The following MMP9 variants were observed in gnomAD, a reference collection of about 807,000 sequenced individuals.
The protein encoded by MMP9 is matrix metallopeptidase 9.
MMP9 carries 73 observed loss-of-function variants against 76.4 expected under a neutral mutation model. That is an observed-to-expected ratio of 0.96 (90% CI 0.79 to 1.16). The LOEUF is 1.16. MMP9 is among the 50% of genes most tolerant of loss of function. The pLI is 0.00. For missense variants in MMP9, 943 were observed against 973.0 expected, an observed-to-expected ratio of 0.97 and a Z score of 0.41; for synonymous variants, 412 against 408.4, an observed-to-expected ratio of 1.01 and a Z score of -0.11.
At chr20:46,015,588 T>A (rs1839357132) in intron 12 of MMP9, among the ~76,000 whole-genome samples, 1 of 151,842 alleles carries the variant, frequency 6.6e-6, no homozygotes, top group Admixed American at 6.6e-5. Flanking sequence ...GTAGCTGGGA[T>A]TACAGGTGCC....
At position 46,010,670 on chromosome 20, in the gene MMP9, G is replaced by A. The variant is rs762450416; in HGVS notation, c.520+39G>A. ...GAGGGAAAATCCAAGAGACCTGGGC[G>A]GGGTCAGGGAAGGGAGGACCACGGA... On this transcript the variant is annotated intron_variant, in intron 3 of 12. Transcript: ENST00000372330. The A allele has an allele frequency of 1.3e-5, 21 of 1,595,770 alleles. No individual in the cohort carries two copies. The East Asian group carries it at 2.3e-4, about 17-fold the overall frequency.
chr20:46,011,810 G>T, intron 6 of MMP9, 63 bp downstream of exon 6: 1 of 1,546,930 alleles, frequency 6.5e-7, no homozygotes, highest in South Asian at 1.2e-5. Context: ...CCCCCAAAAC[G>T]CGGCTCTTCC....
At position 46,014,145 on chromosome 20, in the gene MMP9, C is replaced by T. The variant is rs777357774; in HGVS notation, c.1772C>T (p.Thr591Ile). The T allele has an allele frequency of 1.3e-6, 2 of 1,536,418 alleles. No homozygotes were observed. The highest frequency in any genetic ancestry group is 2.4e-5 in the South Asian group (2 of 83,982). Reference sequence around the variant, plus strand: ...GCAGGGCGCCAGGTGTGGGTGTACACAGGCGCGTCGGTGCTGGGCCCGAGG... The same window carrying T: ...GCAGGGCGCCAGGTGTGGGTGTACATAGGCGCGTCGGTGCTGGGCCCGAGG... ...FFSGRQVWVYTGASVLGPRRL... is the reference protein window; with the variant it reads ...FFSGRQVWVYIGASVLGPRRL... The change falls in exon 11 of 13, where the codon ACA becomes ATA. Residue 591 changes from threonine to isoleucine, a missense_variant. Transcript: ENST00000372330.
At chr20:46,016,076 C>T (rs1450059349) in intron 12 of MMP9, among the ~76,000 whole-genome samples, 174 bp from the exon 13 acceptor site, 1 of 152,218 alleles carries the variant, frequency 6.6e-6, no homozygotes, top group African/African-American at 2.4e-5. Context: ...CTGTGCCCTC[C>T]AGCATCTCAC....
At position 46,013,532 on chromosome 20, in the gene MMP9, T is replaced by C. The variant is rs1568848734; in HGVS notation, c.1608T>C (p.Asp536=). 2 of 1,613,902 alleles carry C rather than the reference T, an allele frequency of 1.2e-6. No homozygotes were observed. Among genetic ancestry groups the C allele is most frequent in the Non-Finnish European group, 1.7e-6 (2 of 1,179,880 alleles). Residue 536 remains aspartate (D), a splice_region_variant and synonymous_variant, in exon 9 of 13, where the codon GAT becomes GAC. Coordinates refer to ENST00000372330, the MANE Select transcript of MMP9 (RefSeq NM_004994.3). The surrounding 1 kb of genome is among the most constrained non-coding windows in gnomAD (Gnocchi z 4.5). Reference sequence around the variant, plus strand: ...GGAACCAGCTGTATTTGTTCAAGGATGGGTGAGGAGGCGGGGTTGTGTGGA... The same window carrying C: ...GGAACCAGCTGTATTTGTTCAAGGACGGGTGAGGAGGCGGGGTTGTGTGGA... ...EIGNQLYLFK[D]GKYWRFSEGR...
At chr20:46,012,660 GATC>G in intron 8 of MMP9, 78 bp downstream of exon 8, 1 of 1,267,946 alleles carries the variant, frequency 7.9e-7, no homozygotes, top group Non-Finnish European at 1.1e-6. Flanking sequence ...GGGGGTTGGG[GATC>G]GGGGGAGGAA....
In MMP9 at chr20:46,013,526, C is replaced by A; in HGVS notation, c.1602C>A (p.Phe534Leu). The A allele has an allele frequency of 6.2e-7, 1 of 1,613,932 alleles. No individual in the cohort carries two copies. Among genetic ancestry groups the A allele is most frequent in the Non-Finnish European group, 8.5e-7 (1 of 1,179,902 alleles). ...IAEIGNQLYL[F>L]KDGKYWRFSE... ...AGATTGGGAACCAGCTGTATTTGTT[C>A]AAGGATGGGTGAGGAGGCGGGGTTG... The change falls in exon 9 of 13, where the codon TTC (phenylalanine) becomes TTA (leucine). Residue 534 changes from phenylalanine (F) to leucine (L), a missense_variant. Phe to Leu is a conservative substitution (Grantham distance 22). Transcript: ENST00000372330. This position sits in a 1 kb window ranked among gnomAD's most constrained non-coding sequence, Gnocchi z 4.5.
Position 46,013,315 on chromosome 20 carries a change from C to T in MMP9, c.1391C>T (p.Pro464Leu). The change falls in exon 9 of 13, where the codon CCC becomes CTC. Residue 464 changes from proline to leucine, a missense_variant. Coordinates refer to ENST00000372330, the MANE Select transcript of MMP9 (RefSeq NM_004994.3). The surrounding 1 kb of genome is among the most constrained non-coding windows in gnomAD (Gnocchi z 4.5). The part of the protein sequence containing the change: ...PTTTTPQPTA[P>L]PTVCPTGPPT... The stretch of plus-strand genomic sequence containing the variant: ...ACCACCACACCGCAGCCCACGGCTC[C>T]CCCGACGGTCTGCCCCACCGGACCC... The T allele has an allele frequency of 3.1e-6, 5 of 1,613,970 alleles. No homozygotes were observed. Among genetic ancestry groups the T allele is most frequent in the Non-Finnish European group, 4.2e-6 (5 of 1,179,976 alleles).
chr20:46,010,130 GGC>G, intron 2 of MMP9, 32 bp downstream of exon 2: 2 of 1,495,006 alleles, frequency 1.3e-6, no homozygotes, highest in Non-Finnish European at 9.1e-7. Flanking sequence ...AGCGGGGTGG[GGC>G]GGGGAGGCCA....
Position 46,010,321 on chromosome 20 carries a change from C to CAAAA in MMP9, c.372-145_372-142dup, listed in dbSNP as rs58031394. Among the ~76,000 whole-genome samples, 18 of 62,486 alleles carry CAAAA rather than the reference C, an allele frequency of 2.9e-4. 2 individuals are homozygous for CAAAA. Among genetic ancestry groups the CAAAA allele is most frequent in the African/African-American group, 1.3e-3 (15 of 11,492 alleles). The allele number at this position is 62,486 out of a possible 152,430, so 41.0% of individuals were successfully genotyped here. A position where few individuals can be genotyped will look rare whatever the true frequency, so the allele number is the denominator to read the frequency against. ...GGGCCATTGTGAGGGTCTAAGTAGA[C>CAAAA]AAAAAAAAAAAAAAAAAAAACAGTC... On this transcript the variant is annotated intron_variant, in intron 2 of 12. Transcript: ENST00000372330.
chr20:46,010,826 TCAG>T (rs2084273813), intron 3 of MMP9, 93 bp from the exon 4 acceptor site: 1 of 1,604,602 alleles, frequency 6.2e-7, no homozygotes, highest in South Asian at 1.1e-5. Flanking sequence ...AGGCGGGATT[TCAG>T]CCCGCACTTA....
intron 2 of MMP9, 126 bp from the exon 3 acceptor site, chr20:46,010,357 T>C (rs577044393): frequency 2.4e-6 from 2 of 840,870 alleles, no homozygotes; most frequent in South Asian, 3.0e-5. Flanking sequence ...TGGAAGCAAT[T>C]TATAGATGAG....
In MMP9 at chr20:46,011,350, C is replaced by T. The variant is rs770759136; in HGVS notation, c.823+34C>T. On this transcript the variant is annotated intron_variant, in intron 5 of 12. Coordinates refer to ENST00000372330, the MANE Select transcript of MMP9 (RefSeq NM_004994.3). ...GGGGGCTCGCCGAGGGCTGGGGGCG[C>T]CCACCACCCTTGATGGTCCTGGGTT... 3.9e-5 allele frequency: 62 copies of T among 1,594,554 alleles called. 1 individual carries two copies. In the South Asian group the frequency reaches 4.3e-4, roughly 11 times the overall value.
intron 6 of MMP9, 33 bp downstream of exon 6, chr20:46,011,780 G>A (rs1336201496): frequency 6.3e-7 from 1 of 1,590,882 alleles, no homozygotes; most frequent in Non-Finnish European, 8.5e-7. Context: ...GTTCAGCCCC[G>A]CCCTCTCATC....
intron 8 of MMP9, 115 bp downstream of exon 8, chr20:46,012,697 C>G: frequency 6.9e-7 from 1 of 1,451,574 alleles, no homozygotes; most frequent in Admixed American, 1.9e-5. Flanking sequence ...AGAGGTGGGA[C>G]CTCAACGTCT....
chr20:46,010,321 C>CAAAAAAAAAAAAAAAAAA lies in MMP9; in HGVS notation c.372-159_372-142dup, dbSNP rs58031394. On this transcript the variant is annotated intron_variant, in intron 2 of 12. Coordinates refer to ENST00000372330, the MANE Select transcript of MMP9 (RefSeq NM_004994.3). The stretch of plus-strand genomic sequence containing the variant: ...GGGCCATTGTGAGGGTCTAAGTAGA[C>CAAAAAAAAAAAAAAAAAA]AAAAAAAAAAAAAAAAAAAACAGTC... Among the ~76,000 whole-genome samples, 45 of 62,452 alleles carry CAAAAAAAAAAAAAAAAAA rather than the reference C, an allele frequency of 7.2e-4. 4 individuals are homozygous for CAAAAAAAAAAAAAAAAAA. The highest frequency in any genetic ancestry group is 1.0e-3 in the African/African-American group (12 of 11,498). The allele number at this position is 62,452 out of a possible 152,430, so 41.0% of individuals were successfully genotyped here.
At position 46,010,935 on chromosome 20, in the gene MMP9, G is replaced by T. The variant is rs1004890991; in HGVS notation, c.534G>T (p.Gly178=). Residue 178 remains glycine (G), a synonymous_variant, in exon 4 of 13, where the codon GGG becomes GGT. Coordinates refer to ENST00000372330, the MANE Select transcript of MMP9 (RefSeq NM_004994.3). ...IQFGVAEHGD[G]YPFDGKDGLL... Reference sequence around the variant, plus strand: ...CTGTTTCTTCAGAGCACGGAGACGGGTATCCCTTCGACGGGAAGGACGGGC... The same window carrying T: ...CTGTTTCTTCAGAGCACGGAGACGGTTATCCCTTCGACGGGAAGGACGGGC... 5.6e-6 allele frequency: 9 copies of T among 1,614,146 alleles called. No homozygotes were observed. The highest frequency in any genetic ancestry group is 7.6e-6 in the Non-Finnish European group (9 of 1,180,056).
Position 46,014,421 on chromosome 20 carries a change from A to G in MMP9, c.1952A>G (p.Asp651Gly). Residue 651 changes from aspartate to glycine, a missense_variant, in exon 12 of 13, where the codon GAC becomes GGC. By Grantham distance (94) the Asp-to-Gly change is moderately conservative. Coordinates refer to ENST00000372330, the MANE Select transcript of MMP9 (RefSeq NM_004994.3). ...MVDPRSASEV[D>G]RMFPGVPLDT... Reference sequence around the variant, plus strand: ...GATCCCCGGAGCGCCAGCGAGGTGGACCGGATGTTCCCCGGGGTGCCTTTG... The same window carrying G: ...GATCCCCGGAGCGCCAGCGAGGTGGGCCGGATGTTCCCCGGGGTGCCTTTG... 1.9e-6 allele frequency: 3 copies of G among 1,550,304 alleles called. No homozygotes were observed. In the South Asian group the frequency reaches 3.6e-5, roughly 18 times the overall value.
At position 46,012,152 on chromosome 20, in the gene MMP9, TG is replaced by T; in HGVS notation, c.1019del (p.Gly340AlafsTer70). 1.9e-6 allele frequency: 3 copies of T among 1,613,990 alleles called. No individual in the cohort carries two copies. Among genetic ancestry groups the T allele is most frequent in the Non-Finnish European group, 2.5e-6 (3 of 1,180,014 alleles). On this transcript the variant is annotated frameshift_variant, in exon 7 of 13. Coordinates refer to ENST00000372330, the MANE Select transcript of MMP9 (RefSeq NM_004994.3). LOFTEE classifies it high-confidence loss of function. ...FCPTRADSTV[M>X]GGNSAGELCV... Reference sequence around the variant, plus strand: ...GTCTCTCCAGCTGACTCGACGGTGATGGGGGGCAACTCGGCGGGGGAGCTGT... The same window carrying T: ...GTCTCTCCAGCTGACTCGACGGTGATGGGGGCAACTCGGCGGGGGAGCTGT...
Sources: allele counts gnomAD v4.1 joint callset (sites outside exome capture counted in the v4.1 genomes callset), GRCh38; gene constraint gnomAD v4.1.1; non-coding constraint Gnocchi (gnomAD v3.1); transcripts MANE v1.5; gene names NCBI Gene and HGNC (gene_info 2026-07-23, HGNC 2026-07-21).